ACVR1: variants seen among roughly 807,000 people sequenced by gnomAD.
ACVR1 encodes the protein activin receptor type-1.
In ACVR1, 38 loss-of-function variants were observed where a neutral mutation model predicts 57.1. The observed-to-expected ratio is 0.67, with a 90% CI of 0.51 to 0.87. The LOEUF (loss-of-function observed/expected upper bound fraction) is 0.87, where lower values mean the gene tolerates loss of function less well. ACVR1 is among the 40% of genes least tolerant of loss of function. ACVR1 has a pLI of 0.00. For missense variants in ACVR1, 463 were observed against 638.2 expected (o/e 0.73, Z 2.96); for synonymous variants, 212 against 228.1 (o/e 0.93, Z 0.63).
chr2:157,868,439 C>T (rs1336440089), intron 1 of ACVR1, among the ~76,000 whole-genome samples: 2 of 150,530 alleles, frequency 1.3e-5, no homozygotes, highest in Non-Finnish European at 2.9e-5. Flanking sequence ...GAGCCGAGAT[C>T]GCGCCACGGC....
intron 7 of ACVR1, among the ~76,000 whole-genome samples, chr2:157,768,898 A>G (rs1201672576): frequency 1.3e-5 from 2 of 152,200 alleles, no homozygotes; most frequent in African/African-American, 4.8e-5. Context: ...ACCGCGTAGT[A>G]ATGATCCATT....
chr2:157,844,865 C>A (rs566637681), intron 1 of ACVR1, among the ~76,000 whole-genome samples: 14 of 152,034 alleles, frequency 9.2e-5, no homozygotes, highest in Non-Finnish European at 1.9e-4. Flanking sequence ...CTCCCTGGGC[C>A]CCCCCTTCCA....
chr2:157,820,403 A>T (rs1688120405), intron 1 of ACVR1, among the ~76,000 whole-genome samples: 1 of 152,218 alleles, frequency 6.6e-6, no homozygotes, highest in African/African-American at 2.4e-5. Context: ...CCCCTCTGCC[A>T]AAGTCTAACC....
intron 1 of ACVR1, among the ~76,000 whole-genome samples, chr2:157,869,048 G>A (rs962028951): frequency 7.9e-5 from 12 of 152,090 alleles, no homozygotes; most frequent in African/African-American, 2.7e-4. Context: ...CATCCTTTGG[G>A]TGTGTGTAAC....
chr2:157,752,034 G>T (rs114891454), intron 9 of ACVR1, among the ~76,000 whole-genome samples: 2,301 of 152,184 alleles, frequency 0.015, 64 homozygotes, highest in African/African-American at 0.052. Flanking sequence ...TACAACTAAA[G>T]ACCCTCACAG....
chr2:157,753,741 T>C (rs940594937), intron 9 of ACVR1, among the ~76,000 whole-genome samples: 4 of 152,182 alleles, frequency 2.6e-5, no homozygotes, highest in Admixed American at 6.5e-5. Flanking sequence ...ATTTAAACTA[T>C]ACCCTAGAAC....
intron 9 of ACVR1, among the ~76,000 whole-genome samples, chr2:157,759,309 T>C (rs1455896825): frequency 1.3e-5 from 2 of 151,944 alleles, no homozygotes; most frequent in Admixed American, 1.3e-4. Flanking sequence ...AAGAAGACAT[T>C]ACAGCTGATA....
chr2:157,774,367 T>C (rs1686191989), intron 5 of ACVR1, among the ~76,000 whole-genome samples, 180 bp from the exon 6 acceptor site: 1 of 152,150 alleles, frequency 6.6e-6, no homozygotes, highest in Admixed American at 6.6e-5. Context: ...TTGTTTTGTA[T>C]TTTTTATTTT....
At chr2:157,874,039 A>G (rs1690197867) in intron 1 of ACVR1, among the ~76,000 whole-genome samples, 1 of 152,164 alleles carries the variant, frequency 6.6e-6, no homozygotes, top group South Asian at 2.1e-4. Context: ...TTTTATTTAA[A>G]ACCACCCTCT....
At chr2:157,828,996 G>A (rs2105342133) in intron 1 of ACVR1, among the ~76,000 whole-genome samples, 1 of 152,278 alleles carries the variant, frequency 6.6e-6, no homozygotes, top group East Asian at 1.9e-4. Context: ...TCGAACTCCT[G>A]ACCTCAAGTG....
chr2:157,808,014 C>T (rs1687622454), intron 2 of ACVR1, among the ~76,000 whole-genome samples: 1 of 151,932 alleles, frequency 6.6e-6, no homozygotes, highest in Non-Finnish European at 1.5e-5. Flanking sequence ...TATACACTGG[C>T]CTAACCAAAG....
In ACVR1 at chr2:157,737,141, T is replaced by G; in HGVS notation, c.*390A>C. The G allele has an allele frequency of 2.9e-6, 1 of 343,260 alleles. No individual in the cohort carries two copies. The highest frequency in any genetic ancestry group is 2.0e-5 in the African/African-American group (1 of 48,970). 21.3% of individuals were successfully genotyped at this position (343,260 alleles called of 1,614,324 possible). On this transcript the variant is annotated 3_prime_UTR_variant, in exon 11 of 11. Coordinates refer to ENST00000434821, the MANE Select transcript of ACVR1 (RefSeq NM_001111067.4). ...AGAAGAGAAGCACAGGCAATATTGC[T>G]GATTAAAAATTCACCACCTCCTTGA...
chr2:157,862,059 T>G (rs1329076065), intron 1 of ACVR1, among the ~76,000 whole-genome samples: 1 of 152,226 alleles, frequency 6.6e-6, no homozygotes, highest in African/African-American at 2.4e-5. Flanking sequence ...TGACATAATT[T>G]TGAATATTTA....
chr2:157,742,201 C>T (rs1487254887), intron 9 of ACVR1, among the ~76,000 whole-genome samples: 1 of 152,030 alleles, frequency 6.6e-6, no homozygotes, highest in African/African-American at 2.4e-5. Context: ...CGTAGCCAGG[C>T]AAAAAAGTGA....
intron 8 of ACVR1, among the ~76,000 whole-genome samples, chr2:157,763,315 T>C (rs1353809187): frequency 2.6e-5 from 4 of 152,210 alleles, no homozygotes; most frequent in Admixed American, 6.5e-5. Context: ...GGCAAAAATA[T>C]ACACATGGTC....
chr2:157,831,366 G>A (rs998811663), intron 1 of ACVR1, among the ~76,000 whole-genome samples: 3 of 152,248 alleles, frequency 2.0e-5, no homozygotes, highest in Non-Finnish European at 2.9e-5. Flanking sequence ...TGCTTAATGC[G>A]TGAGTCATCT....
intron 9 of ACVR1, among the ~76,000 whole-genome samples, chr2:157,756,982 T>G (rs1451299601): frequency 7.0e-6 from 1 of 142,866 alleles, no homozygotes; most frequent in African/African-American, 2.7e-5. Flanking sequence ...TTTATATATA[T>G]ATATTTGAGA....
At chr2:157,817,951 G>A (rs1016680157) in intron 2 of ACVR1, among the ~76,000 whole-genome samples, 5 of 147,978 alleles carry the variant, frequency 3.4e-5, no homozygotes, top group Non-Finnish European at 7.4e-5. Context: ...GCAGTGAACC[G>A]AGATCACACC....
chr2:157,740,033 A>C (rs1464779786), intron 9 of ACVR1, among the ~76,000 whole-genome samples: 1 of 151,964 alleles, frequency 6.6e-6, no homozygotes, highest in African/African-American at 2.4e-5. Context: ...AAAATACAAA[A>C]ATTAGCCGGG....
Sources: allele counts gnomAD v4.1 joint callset (sites outside exome capture counted in the v4.1 genomes callset), GRCh38; gene constraint gnomAD v4.1.1; transcripts MANE v1.5; gene names NCBI Gene and HGNC (gene_info 2026-07-23, HGNC 2026-07-21).